Variants in NSUN4 observed in about 807,000 individuals in gnomAD.
NSUN4 encodes the protein NOP2/Sun RNA methyltransferase 4.
A neutral mutation model predicts 43.8 loss-of-function variants in NSUN4; 31 were observed. That is an observed-to-expected ratio of 0.71 (90% CI 0.53 to 0.96). The LOEUF (loss-of-function observed/expected upper bound fraction) is 0.96, where lower values mean the gene tolerates loss of function less well. Ranked by LOEUF, NSUN4 falls within the 40% of genes least tolerant of loss-of-function variation. The pLI is 0.00. For missense variants in NSUN4, 439 were observed against 475.6 expected (o/e 0.92, Z 0.72); for synonymous variants, 167 against 184.1 (o/e 0.91, Z 0.75).
At chr1:46,375,312 G>C in the NSUN4 span, among the ~76,000 whole-genome samples, 1 of 151,878 alleles carries the variant, frequency 6.6e-6, no homozygotes, top group Non-Finnish European at 1.5e-5. Context: ...GTGCATGCTT[G>C]TAATCCCAGC....
At chr1:46,369,240 ACCCATC>A (rs1204951911), downstream of NSUN4, among the ~76,000 whole-genome samples, 1 of 152,086 alleles carries the variant, frequency 6.6e-6, no homozygotes, top group African/African-American at 2.4e-5. Flanking sequence ...TTTCTTCTTT[ACCCATC>A]TCCAAACTAG....
the NSUN4 span, among the ~76,000 whole-genome samples, chr1:46,375,208 GGT>G: frequency 6.6e-6 from 1 of 152,016 alleles, no homozygotes; most frequent in Non-Finnish European, 1.5e-5. Context: ...AGCAGAGGTG[GGT>G]GGATCACCTG....
intron 1 of NSUN4, chr1:46,341,993 T>A: frequency 8.2e-7 from 1 of 1,216,364 alleles, no homozygotes; most frequent in Non-Finnish European, 1.0e-6. Flanking sequence ...TGACCTCCCC[T>A]CAGCTCACTC....
chr1:46,356,428 C>T (rs994628846), intron 4 of NSUN4, among the ~76,000 whole-genome samples: 7 of 152,180 alleles, frequency 4.6e-5, no homozygotes, highest in Non-Finnish European at 8.8e-5. Flanking sequence ...CGCGGTGGCT[C>T]ACGCCTGTAT....
intron 3 of NSUN4, among the ~76,000 whole-genome samples, chr1:46,351,195 G>A (rs1015351506): frequency 1.3e-5 from 2 of 152,166 alleles, no homozygotes; most frequent in South Asian, 2.1e-4. Context: ...GAGAAACCCC[G>A]TCTCTACTAA....
intron 2 of NSUN4, among the ~76,000 whole-genome samples, chr1:46,346,316 G>A (rs553259030): frequency 6.6e-6 from 1 of 151,918 alleles, no homozygotes; most frequent in Non-Finnish European, 1.5e-5. Flanking sequence ...TTGGGAGGCC[G>A]AGGCGGGCAG....
downstream of NSUN4, among the ~76,000 whole-genome samples, chr1:46,366,118 ACT>A (rs759006922): frequency 6.6e-5 from 10 of 151,988 alleles, no homozygotes; most frequent in Admixed American, 1.3e-4. Flanking sequence ...ACAGAGGGAG[ACT>A]CTGTCTCAAA....
the NSUN4 span, among the ~76,000 whole-genome samples, chr1:46,372,996 C>T: frequency 6.6e-6 from 1 of 152,240 alleles, no homozygotes; most frequent in Non-Finnish European, 1.5e-5. Flanking sequence ...GCTGGGATTA[C>T]AGGTGTGAGC....
At chr1:46,374,114 C>G in the NSUN4 span, among the ~76,000 whole-genome samples, 1 of 151,814 alleles carries the variant, frequency 6.6e-6, no homozygotes, top group Non-Finnish European at 1.5e-5. Flanking sequence ...CGGTGAAACC[C>G]CATCTCTACT....
the NSUN4 span, among the ~76,000 whole-genome samples, chr1:46,376,187 C>A: frequency 4.7e-5 from 7 of 149,624 alleles, no homozygotes; most frequent in African/African-American, 1.7e-4. Flanking sequence ...GTGGGTGGAC[C>A]ACCTGAGGTC....
the NSUN4 span, among the ~76,000 whole-genome samples, chr1:46,383,458 T>C: frequency 6.8e-6 from 1 of 147,944 alleles, no homozygotes; most frequent in Middle Eastern, 3.4e-3. Flanking sequence ...GTTTTTTTTT[T>C]TTTTTTTTTT....
chr1:46,345,258 C>A, intron 2 of NSUN4, 114 bp downstream of exon 2: 3 of 750,768 alleles, frequency 4.0e-6, no homozygotes, highest in Non-Finnish European at 6.4e-6. Context: ...ATATTTATGG[C>A]ATGTTTATAC....
chr1:46,368,766 C>T (rs1664191869), downstream of NSUN4, among the ~76,000 whole-genome samples: 1 of 152,132 alleles, frequency 6.6e-6, no homozygotes, highest in South Asian at 2.1e-4. Flanking sequence ...ATTCTTTGTT[C>T]TTTAGGCTGG....
intron 4 of NSUN4, among the ~76,000 whole-genome samples, chr1:46,353,920 T>G (rs1230728540): frequency 6.6e-6 from 1 of 152,176 alleles, no homozygotes; most frequent in Non-Finnish European, 1.5e-5. Flanking sequence ...TTTAAGATTT[T>G]GATAGCGATT....
chr1:46,365,210 G>A (rs1664104686), downstream of NSUN4: 2 of 152,156 alleles, frequency 1.3e-5, no homozygotes, highest in South Asian at 4.1e-4. Context: ...ATTCCATGGT[G>A]CAGACATACC....
rs971114765 is a variant in NSUN4 at position 46,352,728 on chromosome 1, G to A, written c.593-140G>A. ...CCCCACTCAGAATGACTGATGCTGTGCCATGCACATAATAAATGTTCCTGA... is the reference window on the plus strand; with the variant it reads ...CCCCACTCAGAATGACTGATGCTGTACCATGCACATAATAAATGTTCCTGA... On this transcript the variant is annotated intron_variant, in intron 3 of 5. Transcript: ENST00000474844. The A allele has an allele frequency of 1.7e-5, 13 of 783,360 alleles. No individual in the cohort carries two copies. The Admixed American group carries it at 2.5e-4, about 15-fold the overall frequency. The allele number at this position is 783,360 out of a possible 1,614,324, so 48.5% of individuals were successfully genotyped here.
chr1:46,351,976 T>C (rs1351786791), intron 3 of NSUN4, among the ~76,000 whole-genome samples: 3 of 151,114 alleles, frequency 2.0e-5, no homozygotes, highest in African/African-American at 7.3e-5. Context: ...CCAGTCTCTT[T>C]TTAAAAAATT....
chr1:46,354,495 A>T (rs1008642314), intron 4 of NSUN4, among the ~76,000 whole-genome samples: 2 of 152,184 alleles, frequency 1.3e-5, no homozygotes, highest in Non-Finnish European at 2.9e-5. Flanking sequence ...TATAAAATAT[A>T]TAGCTGTTGT....
chr1:46,357,291 C>T (rs925946467), intron 4 of NSUN4, among the ~76,000 whole-genome samples: 3 of 152,146 alleles, frequency 2.0e-5, no homozygotes, highest in Non-Finnish European at 2.9e-5. Context: ...GCAATTCTCC[C>T]GCCTCATCCT....
Sources: allele counts gnomAD v4.1 joint callset (sites outside exome capture counted in the v4.1 genomes callset), GRCh38; gene constraint gnomAD v4.1.1; transcripts MANE v1.5; gene names NCBI Gene and HGNC (gene_info 2026-07-23, HGNC 2026-07-21).